PIGN: variants seen among roughly 807,000 people sequenced by gnomAD.
PIGN encodes phosphatidylinositol glycan anchor biosynthesis class N, also known as GPI ethanolamine phosphate transferase 1.
PIGN carries 117 observed loss-of-function variants against 125.4 expected under a neutral mutation model. The ratio of observed to expected loss-of-function variants is 0.93; its 90% CI spans 0.80 to 1.09. The LOEUF is 1.09. PIGN is among the 50% of genes least tolerant of loss of function. The pLI is 0.00. For synonymous variants in PIGN, 392 were observed against 377.8 expected (o/e 1.04, Z -0.44); for missense variants, 1,075 against 1,094.9 (o/e 0.98, Z 0.26).
intron 14 of PIGN, among the ~76,000 whole-genome samples, chr18:62,120,777 A>G (rs2035273956): frequency 6.6e-6 from 1 of 152,108 alleles, no homozygotes; most frequent in Non-Finnish European, 1.5e-5. Context: ...TAATCCTACA[A>G]AAAAACAAAA....
intron 1 of PIGN, among the ~76,000 whole-genome samples, chr18:62,184,868 T>C (rs7235710): frequency 0.58 from 88,540 of 152,082 alleles, 26,583 homozygotes; most frequent in East Asian, 0.78. Context: ...ACCACAGTAA[T>C]AGTTATTGTG....
chr18:62,157,558 A>C, intron 5 of PIGN, 129 bp downstream of exon 5: 1 of 853,550 alleles, frequency 1.2e-6, no homozygotes, highest in Non-Finnish European at 1.9e-6. Context: ...CATGTCAGCA[A>C]AGCATGCTAA....
chr18:62,129,603 C>T (rs1036894412), intron 14 of PIGN, among the ~76,000 whole-genome samples: 5 of 152,180 alleles, frequency 3.3e-5, no homozygotes, highest in Non-Finnish European at 4.4e-5. Flanking sequence ...ATTGAATTAT[C>T]CCTTATCATG....
intron 14 of PIGN, among the ~76,000 whole-genome samples, chr18:62,127,924 C>T (rs920906903): frequency 2.0e-5 from 3 of 151,912 alleles, no homozygotes; most frequent in African/African-American, 7.3e-5. Context: ...ATGGAAATGG[C>T]AATTAAAAAT....
intron 30 of PIGN, among the ~76,000 whole-genome samples, chr18:62,069,126 A>G (rs2032695959): frequency 6.6e-6 from 1 of 152,238 alleles, no homozygotes; most frequent in Admixed American, 6.5e-5. Flanking sequence ...GATCATGGAT[A>G]TGAAAAAGTG....
intron 1 of PIGN, among the ~76,000 whole-genome samples, chr18:62,186,481 T>C (rs1341020352): frequency 1.3e-5 from 2 of 152,222 alleles, no homozygotes; most frequent in African/African-American, 2.4e-5. Flanking sequence ...ATTGAGTACC[T>C]AACAATTTGT....
intron 1 of PIGN, chr18:62,184,793 G>A (rs2037838557): frequency 6.6e-6 from 1 of 152,122 alleles, no homozygotes; most frequent in East Asian, 1.9e-4. Context: ...ATTGATATTA[G>A]TTTTATTTTT....
chr18:62,102,147 A>C (rs1272583403), intron 21 of PIGN, among the ~76,000 whole-genome samples: 2 of 151,702 alleles, frequency 1.3e-5, no homozygotes, highest in South Asian at 2.1e-4. Context: ...GAATCACTTG[A>C]ACCTGGAAGG....
At chr18:62,071,294 C>T (rs1313602922) in intron 30 of PIGN, among the ~76,000 whole-genome samples, 1 of 152,160 alleles carries the variant, frequency 6.6e-6, no homozygotes, top group African/African-American at 2.4e-5. Flanking sequence ...GAATGATCAA[C>T]TTTGAAACCG....
downstream of PIGN, among the ~76,000 whole-genome samples, chr18:62,040,840 C>G (rs934684426): frequency 6.6e-6 from 1 of 152,154 alleles, no homozygotes; most frequent in Non-Finnish European, 1.5e-5. Flanking sequence ...CTGTGTTGGT[C>G]CCTTCGTTAA....
rs145215863 is a variant in PIGN, at chr18:62,142,097, T to C, written c.963+1209A>G. Among the ~76,000 whole-genome samples the C allele has an allele frequency of 2.0e-4, 31 of 152,336 alleles. 1 individual carries two copies. Among genetic ancestry groups the C allele is most frequent in the African/African-American group, 5.8e-4 (24 of 41,568 alleles). ...TCTGTTGCAGTACTTACCACAGCTA[T>C]AAGTTTACATGTATTTGTACAACAG... On this transcript the variant is annotated intron_variant, in intron 11 of 30. Transcript: ENST00000640252.
At chr18:62,167,802 G>GCAACTTTT (rs2037207669) in intron 1 of PIGN, among the ~76,000 whole-genome samples, 1 of 151,886 alleles carries the variant, frequency 6.6e-6, no homozygotes, top group Non-Finnish European at 1.5e-5. Flanking sequence ...ATGATCATGA[G>GCAACTTTT]CAACTTTTCA....
intron 17 of PIGN, among the ~76,000 whole-genome samples, chr18:62,108,880 A>G (rs1182163130): frequency 1.3e-5 from 2 of 152,150 alleles, no homozygotes; most frequent in African/African-American, 4.8e-5. Context: ...GAGCCCTTGC[A>G]CCCAGCCAAC....
chr18:62,109,341 T>A (rs2034780413), intron 17 of PIGN, among the ~76,000 whole-genome samples: 1 of 152,080 alleles, frequency 6.6e-6, no homozygotes, highest in African/African-American at 2.4e-5. Flanking sequence ...TATAGACTAA[T>A]CTCTGTGTGT....
chr18:62,051,256 G>A (rs940154716), intron 30 of PIGN, among the ~76,000 whole-genome samples: 3 of 152,188 alleles, frequency 2.0e-5, no homozygotes, highest in African/African-American at 7.2e-5. Flanking sequence ...CTATTGATTA[G>A]AGTAGTTTCA....
chr18:62,074,889 C>T, intron 28 of PIGN, 68 bp from the exon 29 acceptor site: 1 of 1,061,060 alleles, frequency 9.4e-7, no homozygotes, highest in Non-Finnish European at 1.4e-6. Flanking sequence ...CATTAAAATC[C>T]AAGTGAGACT....
At chr18:62,049,260 T>A (rs1267946875) in intron 30 of PIGN, among the ~76,000 whole-genome samples, 1 of 152,120 alleles carries the variant, frequency 6.6e-6, no homozygotes, top group Non-Finnish European at 1.5e-5. Context: ...TAGTTCTAGA[T>A]CCCTGAGGAA....
rs1178608234 is a variant in PIGN at position 62,041,590 on chromosome 18, T to C, written c.*4266A>G. 6.6e-6 allele frequency: 1 copy of C among 151,232 alleles called. No individual in the cohort carries two copies. The highest frequency in any genetic ancestry group is 1.5e-5 in the Non-Finnish European group (1 of 68,068). 9.4% of individuals were successfully genotyped at this position (151,232 alleles called of 1,614,324 possible). On this transcript the variant is annotated 3_prime_UTR_variant, in exon 31 of 31. Coordinates refer to ENST00000640252, the MANE Select transcript of PIGN (RefSeq NM_176787.5). ...ACCTCCCAGGTTCAAGCAATTCTCA[T>C]GCCTCAGGCTCCTGAGTAGCAAGGA...
rs567217604 is a variant in PIGN, at chr18:62,029,658, G to A, written c.2143-11917C>T. 2.6e-5 allele frequency among the ~76,000 whole-genome samples: 4 copies of A among 152,266 alleles called. No homozygotes were observed. The South Asian group carries it at 8.3e-4, about 32-fold the overall frequency. ...TCCAATGGCCACTCAGAAAAGCAACGACATAAGTGGGGAGGCGGAGGGGAG... is the reference window on the plus strand; with the variant it reads ...TCCAATGGCCACTCAGAAAAGCAACAACATAAGTGGGGAGGCGGAGGGGAG... On this transcript the variant is annotated intron_variant, in intron 23 of 24. Transcript: ENST00000639600.
Sources: allele counts gnomAD v4.1 joint callset (sites outside exome capture counted in the v4.1 genomes callset), GRCh38; gene constraint gnomAD v4.1.1; transcripts MANE v1.5; gene names NCBI Gene and HGNC (gene_info 2026-07-23, HGNC 2026-07-21).